Variants in WWOX observed in about 807,000 individuals in gnomAD.
WWOX encodes WW domain-containing oxidoreductase.
In WWOX, 69 loss-of-function variants were observed where a neutral mutation model predicts 46.2. The ratio of observed to expected loss-of-function variants is 1.49; its 90% CI spans 1.23 to 1.82. The LOEUF is 1.82. Among genes scored for constraint, WWOX ranks in the 40% most tolerant of loss-of-function variants. The pLI is 0.00. For missense variants in WWOX, 919 were observed against 542.6 expected (o/e 1.69, Z -6.89); for synonymous variants, 359 against 202.6 (o/e 1.77, Z -6.56).
At chr16:78,755,935 A>T (rs1166524261) in intron 8 of WWOX, among the ~76,000 whole-genome samples, 1 of 152,210 alleles carries the variant, frequency 6.6e-6, no homozygotes, top group Admixed American at 6.5e-5. Flanking sequence ...AGAAGAACAT[A>T]TGCCAAGGAG....
At chr16:78,997,691 C>G (rs900780270) in intron 8 of WWOX, among the ~76,000 whole-genome samples, 1 of 152,070 alleles carries the variant, frequency 6.6e-6, no homozygotes, top group African/African-American at 2.4e-5. Context: ...CCCTTCCTTT[C>G]CCTCCTACCC....
At chr16:79,201,594 A>G (rs1348942523) in intron 8 of WWOX, among the ~76,000 whole-genome samples, 2 of 152,326 alleles carry the variant, frequency 1.3e-5, no homozygotes, top group South Asian at 2.1e-4. Flanking sequence ...CATATTTGGG[A>G]AAAACATCTT....
intron 8 of WWOX, among the ~76,000 whole-genome samples, chr16:78,508,341 A>C (rs1293912689): frequency 1.5e-5 from 1 of 67,356 alleles, no homozygotes; most frequent in African/African-American, 8.5e-5. Context: ...TTTTTTTTTT[A>C]ACGCTCATCA....
chr16:78,721,905 A>G (rs970891043), intron 8 of WWOX, among the ~76,000 whole-genome samples: 1 of 152,252 alleles, frequency 6.6e-6, no homozygotes, highest in South Asian at 2.1e-4. Context: ...ATAATGTCAC[A>G]ATCTCAGGAA....
chr16:78,967,494 G>A (rs1169408314), intron 8 of WWOX, among the ~76,000 whole-genome samples: 2 of 144,630 alleles, frequency 1.4e-5, no homozygotes, highest in Non-Finnish European at 3.0e-5. Context: ...TGCTGAGATG[G>A]GGATTTCACC....
chr16:79,041,530 G>A (rs1009557874), intron 8 of WWOX, among the ~76,000 whole-genome samples: 1 of 152,190 alleles, frequency 6.6e-6, no homozygotes, highest in Non-Finnish European at 1.5e-5. Context: ...GAACTCATCA[G>A]CTGCTTAGCA....
intron 8 of WWOX, among the ~76,000 whole-genome samples, chr16:79,014,952 T>C (rs370589252): frequency 1.3e-5 from 2 of 152,184 alleles, no homozygotes; most frequent in Non-Finnish European, 2.9e-5. Context: ...CTGTGATATG[T>C]AGGAGAAGGA....
intron 5 of WWOX, among the ~76,000 whole-genome samples, chr16:78,345,969 AT>A (rs57893025): frequency 0.14 from 16,329 of 119,634 alleles, 5,421 homozygotes; most frequent in African/African-American, 0.42. Flanking sequence ...AATAAAAAAA[AT>A]AGAACATTTA....
chr16:78,283,981 C>G (rs1367378538), intron 5 of WWOX, among the ~76,000 whole-genome samples: 1 of 152,174 alleles, frequency 6.6e-6, no homozygotes. Context: ...AATATCACGT[C>G]ATGATGAATT....
chr16:78,704,204 A>G (rs1468292115), intron 8 of WWOX, among the ~76,000 whole-genome samples: 3 of 151,446 alleles, frequency 2.0e-5, no homozygotes, highest in Admixed American at 6.6e-5. Context: ...GAGCCTCAAC[A>G]TCTGTCTATA....
chr16:78,609,625 G>C (rs945592565), intron 8 of WWOX, among the ~76,000 whole-genome samples: 1 of 151,650 alleles, frequency 6.6e-6, no homozygotes, highest in Non-Finnish European at 1.5e-5. Flanking sequence ...GCTCTTGGGG[G>C]CTTCCTGGTC....
At chr16:79,104,949 G>T (rs866622964) in intron 8 of WWOX, among the ~76,000 whole-genome samples, 1 of 152,192 alleles carries the variant, frequency 6.6e-6, no homozygotes, top group African/African-American at 2.4e-5. Context: ...GGTCGTTAGG[G>T]GTCAGGGGGA....
chr16:79,021,399 T>A (rs1475485063), intron 8 of WWOX, among the ~76,000 whole-genome samples: 1 of 152,176 alleles, frequency 6.6e-6, no homozygotes, highest in Admixed American at 6.5e-5. Flanking sequence ...TTGGTGCCCT[T>A]TGCAGAATAA....
At chr16:78,777,466 A>G (rs1277242748) in intron 8 of WWOX, among the ~76,000 whole-genome samples, 1 of 152,190 alleles carries the variant, frequency 6.6e-6, no homozygotes, top group East Asian at 1.9e-4. Context: ...ATTGGAAAGC[A>G]CAGAGTAGAC....
At chr16:78,938,541 A>T (rs1343464042) in intron 8 of WWOX, among the ~76,000 whole-genome samples, 3 of 151,956 alleles carry the variant, frequency 2.0e-5, no homozygotes, top group Non-Finnish European at 4.4e-5. Context: ...CGGTATTAGC[A>T]ACTGGCAACA....
At chr16:78,680,698 C>T (rs1218054622) in intron 8 of WWOX, among the ~76,000 whole-genome samples, 1 of 152,216 alleles carries the variant, frequency 6.6e-6, no homozygotes, top group African/African-American at 2.4e-5. Flanking sequence ...TAGTGGCTCC[C>T]ACTGTGGGTA....
chr16:78,698,667 C>G (rs1052890070), intron 8 of WWOX, among the ~76,000 whole-genome samples: 1 of 152,082 alleles, frequency 6.6e-6, no homozygotes, highest in South Asian at 2.1e-4. Context: ...TTTGTTATAT[C>G]CATATGATAA....
chr16:78,755,388 G>A (rs2049617689), intron 8 of WWOX, among the ~76,000 whole-genome samples: 2 of 152,130 alleles, frequency 1.3e-5, no homozygotes, highest in Non-Finnish European at 2.9e-5. Context: ...GGTAAAGCAG[G>A]CCTTGTTGCT....
chr16:78,996,376 A>ACCCCCCCCCCCCCCCCCCC (rs1338159064), intron 8 of WWOX: 3 of 438,796 alleles, frequency 6.8e-6, no homozygotes, highest in South Asian at 1.2e-4. Context: ...TTCTGCACCC[A>ACCCCCCCCCCCCCCCCCCC]CCCCCGCCCC....
Sources: allele counts gnomAD v4.1 joint callset (sites outside exome capture counted in the v4.1 genomes callset), GRCh38; gene constraint gnomAD v4.1.1; transcripts MANE v1.5; gene names NCBI Gene and HGNC (gene_info 2026-07-23, HGNC 2026-07-21).